Variants in PSD2 observed in about 807,000 individuals in gnomAD.
PSD2 encodes PH and SEC7 domain-containing protein 2.
In PSD2, 38 loss-of-function variants were observed where a neutral mutation model predicts 69.8. The ratio of observed to expected loss-of-function variants is 0.54; its 90% CI spans 0.42 to 0.71. PSD2 has a LOEUF of 0.71. Ranked by LOEUF, PSD2 falls within the 30% of genes least tolerant of loss-of-function variation. PSD2 has a pLI of 0.00. For synonymous variants in PSD2, 412 were observed against 423.0 expected, an observed-to-expected ratio of 0.97 and a Z score of 0.32; for missense variants, 943 against 1,014.5, an observed-to-expected ratio of 0.93 and a Z score of 0.96.
chr5:139,781,291 T>C, the PSD2 span, among the ~76,000 whole-genome samples: 2 of 152,166 alleles, frequency 1.3e-5, no homozygotes, highest in African/African-American at 4.8e-5. Context: ...GATCCAGCTG[T>C]GGCTGTTCAC....
intron 12 of PSD2, among the ~76,000 whole-genome samples, chr5:139,838,005 T>G (rs535314471): frequency 6.6e-6 from 1 of 152,266 alleles, no homozygotes; most frequent in South Asian, 2.1e-4. Flanking sequence ...AACCCAAAAC[T>G]CTGGGATGGC....
chr5:139,766,960 T>TCTTTCTTTCTTC, the PSD2 span, among the ~76,000 whole-genome samples: 7 of 140,902 alleles, frequency 5.0e-5, 1 homozygote, highest in Non-Finnish European at 7.6e-5. Context: ...TTTCTTTCTT[T>TCTTTCTTTCTTC]CTTTCTTTCT....
At chr5:139,751,149 T>C in the PSD2 span, among the ~76,000 whole-genome samples, 2 of 152,114 alleles carry the variant, frequency 1.3e-5, no homozygotes, top group South Asian at 2.1e-4. Flanking sequence ...GGTTCAGCTC[T>C]GGGTATGAAT....
chr5:139,764,183 T>C, the PSD2 span, among the ~76,000 whole-genome samples: 34 of 152,236 alleles, frequency 2.2e-4, no homozygotes, highest in South Asian at 6.4e-3. Flanking sequence ...ACTGTTTCTG[T>C]GTCTGCCTCC....
At chr5:139,826,705 G>GT (rs928366434) in intron 7 of PSD2, among the ~76,000 whole-genome samples, 49 of 152,318 alleles carry the variant, frequency 3.2e-4, no homozygotes, top group African/African-American at 1.1e-3. Flanking sequence ...GCTACTTACT[G>GT]TTTGAAAAGT....
intron 8 of PSD2, among the ~76,000 whole-genome samples, chr5:139,835,162 A>G (rs1480354895): frequency 6.6e-6 from 1 of 150,636 alleles, no homozygotes; most frequent in African/African-American, 2.4e-5. Flanking sequence ...AAATCTATCA[A>G]CCCAATCATT....
chr5:139,759,422 C>CCGATCGCG, the PSD2 span, among the ~76,000 whole-genome samples: 2 of 152,112 alleles, frequency 1.3e-5, no homozygotes, highest in African/African-American at 4.8e-5. Context: ...CGCGGTCACC[C>CCGATCGCG]GTGTCGGGAC....
chr5:139,787,333 A>T, the PSD2 span, among the ~76,000 whole-genome samples: 2 of 152,222 alleles, frequency 1.3e-5, no homozygotes, highest in Non-Finnish European at 1.5e-5. Flanking sequence ...TGCAACAGAA[A>T]GCCCAGTTCC....
At chr5:139,789,446 C>T in the PSD2 span, among the ~76,000 whole-genome samples, 26 of 152,184 alleles carry the variant, frequency 1.7e-4, no homozygotes, top group Admixed American at 4.6e-4. Context: ...TGTTTCGAAG[C>T]CCTTCTAATA....
At chr5:139,825,247 G>A (rs915197953) in intron 7 of PSD2, among the ~76,000 whole-genome samples, 3 of 152,234 alleles carry the variant, frequency 2.0e-5, no homozygotes, top group Non-Finnish European at 4.4e-5. Flanking sequence ...GCAGAGACCT[G>A]GATCAGCGGG....
chr5:139,766,014 CGG>C, the PSD2 span, among the ~76,000 whole-genome samples: 1 of 152,232 alleles, frequency 6.6e-6, no homozygotes, highest in Non-Finnish European at 1.5e-5. Context: ...GATGGGGTGA[CGG>C]CAAGCCAGGC....
chr5:139,771,773 G>C, the PSD2 span, among the ~76,000 whole-genome samples: 1 of 152,154 alleles, frequency 6.6e-6, no homozygotes, highest in Non-Finnish European at 1.5e-5. Flanking sequence ...AGGCTATTTA[G>C]GGTCTGGGGC....
chr5:139,815,995 TAAAA>T (rs768724760), intron 4 of PSD2, among the ~76,000 whole-genome samples: 3 of 92,766 alleles, frequency 3.2e-5, no homozygotes, highest in African/African-American at 1.3e-4. Flanking sequence ...CTCCATATAT[TAAAA>T]AAAAAAAAAA....
intron 1 of PSD2, among the ~76,000 whole-genome samples, chr5:139,801,403 G>A (rs1408409177): frequency 6.6e-6 from 1 of 152,074 alleles, no homozygotes; most frequent in African/African-American, 2.4e-5. Context: ...CAGTCTTATT[G>A]GCAGCATTTG....
the PSD2 span, among the ~76,000 whole-genome samples, chr5:139,777,548 T>C: frequency 1.3e-5 from 2 of 152,144 alleles, no homozygotes; most frequent in Non-Finnish European, 2.9e-5. Context: ...AAAATAATTT[T>C]GATGATAAAG....
chr5:139,824,419 C>CG (rs376539150), intron 7 of PSD2, among the ~76,000 whole-genome samples: 1,276 of 114,496 alleles, frequency 0.011, 26 homozygotes, highest in African/African-American at 0.044. Flanking sequence ...TTTTTTGAGA[C>CG]GGAGTCTCAC....
the PSD2 span, among the ~76,000 whole-genome samples, chr5:139,780,696 G>A: frequency 2.6e-5 from 4 of 152,082 alleles, no homozygotes; most frequent in Non-Finnish European, 4.4e-5. Context: ...CACCAGCCTC[G>A]GCCTCCCAAA....
Position 139,833,761 on chromosome 5 carries a change from T to C in PSD2, c.1329T>C (p.Asp443=), listed in dbSNP as rs1352060441. ...TTGCCAACTTGGACCAGCTGAATGATGGCCAAGACTTTGCCAAAGACCTGC... is the reference window on the plus strand; with the variant it reads ...TTGCCAACTTGGACCAGCTGAATGACGGCCAAGACTTTGCCAAAGACCTGC... ...QFIANLDQLN[D]GQDFAKDLLK... The change falls in exon 8 of 15, where the codon GAT becomes GAC. Residue 443 remains aspartate, a synonymous_variant. Transcript: ENST00000274710. 6.2e-7 allele frequency: 1 copy of C among 1,614,068 alleles called. No individual in the cohort carries two copies. Among genetic ancestry groups the C allele is most frequent in the Non-Finnish European group, 8.5e-7 (1 of 1,179,940 alleles).
chr5:139,751,189 G>C, the PSD2 span, among the ~76,000 whole-genome samples: 1 of 152,096 alleles, frequency 6.6e-6, no homozygotes, highest in African/African-American at 2.4e-5. Flanking sequence ...GCCTAGCTCT[G>C]GGAAAATCTC....
Sources: allele counts gnomAD v4.1 joint callset (sites outside exome capture counted in the v4.1 genomes callset), GRCh38; gene constraint gnomAD v4.1.1; transcripts MANE v1.5; gene names NCBI Gene and HGNC (gene_info 2026-07-23, HGNC 2026-07-21).